The following SLC15A2 variants were observed in gnomAD, a reference collection of about 807,000 sequenced individuals.
The protein encoded by SLC15A2 is solute carrier family 15 member 2.
In SLC15A2, 77 loss-of-function variants were observed where a neutral mutation model predicts 95.5. That is an observed-to-expected ratio of 0.81 (90% CI 0.67 to 0.97). The LOEUF is 0.97. SLC15A2 is among the 50% of genes least tolerant of loss of function. The pLI is 0.00. For missense variants in SLC15A2, 893 were observed against 874.4 expected (o/e 1.02, Z -0.27); for synonymous variants, 306 against 306.9 (o/e 1.00, Z 0.03).
At position 121,940,950 on chromosome 3, in the gene SLC15A2, C is replaced by T. The variant is rs1559857077; in HGVS notation, c.2133C>T (p.His711=). ...ATATGCGGGGTCCAGCAGATAAGCA[C>T]ATTCCTCACATCCAGGGGAACATGA... ...TEDMRGPADK[H]IPHIQGNMIK... Residue 711 remains histidine (H), a synonymous_variant, in exon 22 of 22, where the codon CAC becomes CAT. Transcript: ENST00000489711. 3 of 1,614,176 alleles carry T rather than the reference C, an allele frequency of 1.9e-6. No homozygotes were observed. Among genetic ancestry groups the T allele is most frequent in the South Asian group, 1.1e-5 (1 of 91,078 alleles).
At chr3:121,894,642 C>T in intron 1 of SLC15A2, 61 bp downstream of exon 1, 1 of 1,321,050 alleles carries the variant, frequency 7.6e-7, no homozygotes, top group Non-Finnish European at 1.1e-6. Flanking sequence ...TGGCTCTCTT[C>T]CTTGGGCTCT....
At chr3:121,924,513 A>C in intron 12 of SLC15A2, 130 bp downstream of exon 12, 1 of 855,906 alleles carries the variant, frequency 1.2e-6, no homozygotes, top group Non-Finnish European at 1.9e-6. Context: ...AAGCTTCGAC[A>C]TGAAAACATT....
Position 121,915,687 on chromosome 3 carries a change from G to T in SLC15A2, c.691G>T (p.Ala231Ser), listed in dbSNP as rs942168315. The T allele has an allele frequency of 6.2e-7, 1 of 1,612,558 alleles. No individual in the cohort carries two copies. Among genetic ancestry groups the T allele is most frequent in the African/African-American group, 1.3e-5 (1 of 74,878 alleles). The stretch of plus-strand genomic sequence containing the variant: ...AGTTCCAGGACTGCTCATGGTAATT[G>T]CACTTGGTAAGTGCAGTGAAGCAAA... ...FGVPGLLMVIALVVFAMGSKI... is the reference protein window; with the variant it reads ...FGVPGLLMVISLVVFAMGSKI... Residue 231 changes from alanine (A) to serine (S), a missense_variant, in exon 7 of 22, where the codon GCA becomes TCA. Transcript: ENST00000489711.
intron 3 of SLC15A2, among the ~76,000 whole-genome samples, chr3:121,908,207 C>G (rs1204031238): frequency 6.6e-6 from 1 of 152,244 alleles, no homozygotes; most frequent in Non-Finnish European, 1.5e-5. Context: ...GATATAATCT[C>G]CTGGTGTTCC....
In SLC15A2 at chr3:121,896,587, C is replaced by G. The variant is rs1211074192; in HGVS notation, c.193+94C>G. Reference sequence around the variant, plus strand: ...GGTCTCTTTATATGCACTTATTTCCCGAGTCCACTCTTTCTGCCTTGGTCC... The same window carrying G: ...GGTCTCTTTATATGCACTTATTTCCGGAGTCCACTCTTTCTGCCTTGGTCC... On this transcript the variant is annotated intron_variant, in intron 2 of 21. Coordinates refer to ENST00000489711, the MANE Select transcript of SLC15A2 (RefSeq NM_021082.4). The G allele has an allele frequency of 3.1e-6, 3 of 962,208 alleles. No homozygotes were observed. The East Asian group carries it at 7.2e-5, about 23-fold the overall frequency. The allele number at this position is 962,208 out of a possible 1,614,324, so 59.6% of individuals were successfully genotyped here. A position where few individuals can be genotyped will look rare whatever the true frequency, so the allele number is the denominator to read the frequency against.
At chr3:121,931,945 G>A (rs191606511) in intron 19 of SLC15A2, among the ~76,000 whole-genome samples, 3 of 152,208 alleles carry the variant, frequency 2.0e-5, no homozygotes, top group Non-Finnish European at 4.4e-5. Flanking sequence ...CATCGCGCAG[G>A]CTGGAGTGCT....
At chr3:121,935,076 T>G (rs1485964834) in intron 19 of SLC15A2, among the ~76,000 whole-genome samples, 20 of 152,302 alleles carry the variant, frequency 1.3e-4, no homozygotes, top group South Asian at 4.2e-4. Context: ...TTATTGATTT[T>G]CGTATATTGA....
In SLC15A2 at chr3:121,942,531, A is replaced by G. The variant is rs538236066; in HGVS notation, c.*1524A>G. On this transcript the variant is annotated 3_prime_UTR_variant, in exon 22 of 22. Coordinates refer to ENST00000489711, the MANE Select transcript of SLC15A2 (RefSeq NM_021082.4). The stretch of plus-strand genomic sequence containing the variant: ...TAAGAGAAATTGCTCTAAGTGCCCA[A>G]ACTTTATATACTTCAGTTTTAATGA... 3.3e-5 allele frequency: 5 copies of G among 152,356 alleles called. No individual in the cohort carries two copies. The East Asian group carries it at 9.6e-4, about 29-fold the overall frequency. The allele number at this position is 152,356 out of a possible 1,614,324, so 9.4% of individuals were successfully genotyped here.
At chr3:121,910,542 C>T (rs77197314) in intron 3 of SLC15A2, among the ~76,000 whole-genome samples, 1,702 of 152,230 alleles carry the variant, frequency 0.011, 26 homozygotes, top group African/African-American at 0.038. Context: ...AGTTCCCTTC[C>T]CTAGAAAGCT....
intron 7 of SLC15A2, among the ~76,000 whole-genome samples, chr3:121,921,212 G>T (rs139209000): frequency 6.6e-6 from 1 of 152,156 alleles, no homozygotes; most frequent in African/African-American, 2.4e-5. Context: ...TACAGCATAG[G>T]GTATCTCAAA....
Position 121,915,137 on chromosome 3 carries a change from T to C in SLC15A2, c.529-90T>C, listed in dbSNP as rs540052383. ...GGAGGCAATATCTGAATCTTTCTCTTTGTGTGTACCTTCAGCTCTGAATCT... is the reference window on the plus strand; with the variant it reads ...GGAGGCAATATCTGAATCTTTCTCTCTGTGTGTACCTTCAGCTCTGAATCT... On this transcript the variant is annotated intron_variant, in intron 5 of 21. Coordinates refer to ENST00000489711, the MANE Select transcript of SLC15A2 (RefSeq NM_021082.4). 1.5e-4 allele frequency: 170 copies of C among 1,153,054 alleles called. 1 individual carries two copies. In the South Asian group the frequency reaches 2.4e-3, roughly 17 times the overall value. 71.4% of individuals were successfully genotyped at this position (1,153,054 alleles called of 1,614,324 possible).
intron 5 of SLC15A2, among the ~76,000 whole-genome samples, chr3:121,914,324 C>T (rs886119640): frequency 2.6e-5 from 4 of 152,100 alleles, no homozygotes; most frequent in Admixed American, 2.0e-4. Flanking sequence ...TGAAGCATGT[C>T]GGTGTATAAT....
At chr3:121,938,293 C>G (rs1212995132) in intron 19 of SLC15A2, among the ~76,000 whole-genome samples, 1 of 152,230 alleles carries the variant, frequency 6.6e-6, no homozygotes, top group African/African-American at 2.4e-5. Context: ...TGGGCTCCAC[C>G]CAGTTGGAGC....
At chr3:121,896,576 C>A (rs1709417500) in intron 2 of SLC15A2, 83 bp downstream of exon 2, 2 of 1,066,318 alleles carry the variant, frequency 1.9e-6, no homozygotes, top group Non-Finnish European at 2.9e-6. Context: ...TCTTTATATG[C>A]ACTTATTTCC....
At chr3:121,901,775 G>T (rs572191928) in intron 3 of SLC15A2, among the ~76,000 whole-genome samples, 17 of 151,602 alleles carry the variant, frequency 1.1e-4, no homozygotes, top group Non-Finnish European at 2.2e-4. Flanking sequence ...AGAGGAAAAT[G>T]GATAGATTTT....
intron 5 of SLC15A2, chr3:121,915,001 G>A (rs1399922163): frequency 1.5e-6 from 2 of 1,301,710 alleles, no homozygotes; most frequent in African/African-American, 3.0e-5. Context: ...CCTATGAAAA[G>A]GGAGGAAAAG....
intron 19 of SLC15A2, among the ~76,000 whole-genome samples, chr3:121,937,664 C>A (rs1466722871): frequency 6.6e-6 from 1 of 152,226 alleles, no homozygotes; most frequent in Non-Finnish European, 1.5e-5. Context: ...TTATACATTC[C>A]TCTAAATTTT....
chr3:121,931,746 C>G lies in SLC15A2; in HGVS notation c.1761+11C>G, dbSNP rs1328406222. 2 of 1,495,772 alleles carry G rather than the reference C, an allele frequency of 1.3e-6. No homozygotes were observed. Among genetic ancestry groups the G allele is most frequent in the Non-Finnish European group, 1.9e-6 (2 of 1,072,518 alleles). The allele number at this position is 1,495,772 out of a possible 1,614,324, so 92.7% of individuals were successfully genotyped here. A position where few individuals can be genotyped will look rare whatever the true frequency, so the allele number is the denominator to read the frequency against. ...TTTGTTATTACTAATGTAAGTAGCT[C>G]ACAGCCACCTCTTTACCCTCTCTCC... On this transcript the variant is annotated intron_variant, in intron 19 of 21. Transcript: ENST00000489711.
chr3:121,902,581 T>C (rs1709541413), intron 3 of SLC15A2, among the ~76,000 whole-genome samples: 1 of 152,170 alleles, frequency 6.6e-6, no homozygotes, highest in African/African-American at 2.4e-5. Flanking sequence ...CATTGTTCAA[T>C]TCCCACCTAT....
Sources: gnomAD v4.1 joint callset for allele counts (sites outside exome capture counted in the v4.1 genomes callset) on GRCh38, gnomAD v4.1.1 for gene constraint, MANE v1.5 for transcripts, NCBI Gene and HGNC (gene_info 2026-07-23, HGNC 2026-07-21) for gene names.